Variants in FAT3 observed in about 807,000 individuals in gnomAD.
FAT3 encodes the protein protocadherin Fat 3.
FAT3 carries 95 observed loss-of-function variants against 310.2 expected under a neutral mutation model. The observed-to-expected ratio is 0.31, with a 90% CI of 0.26 to 0.36. The LOEUF (loss-of-function observed/expected upper bound fraction) is 0.36, where lower values mean the gene tolerates loss of function less well. FAT3 is among the 10% of genes least tolerant of loss of function. FAT3 has a pLI of 1.00. For synonymous variants in FAT3, 2,314 were observed against 2,192.9 expected, an observed-to-expected ratio of 1.06 and a Z score of -1.54; for missense variants, 5,408 against 5,715.6, an observed-to-expected ratio of 0.95 and a Z score of 1.74.
chr11:92,576,739 A>G (rs948497257), intron 3 of FAT3, among the ~76,000 whole-genome samples: 2 of 152,162 alleles, frequency 1.3e-5, no homozygotes, highest in Admixed American at 6.6e-5. Flanking sequence ...CATGGTAGAA[A>G]AAGAGATTTC....
At chr11:92,481,023 A>G (rs1414037109) in intron 2 of FAT3, among the ~76,000 whole-genome samples, 4 of 152,202 alleles carry the variant, frequency 2.6e-5, no homozygotes. Flanking sequence ...TCTGCCTCCA[A>G]AAAGATGATT....
chr11:92,477,715 G>A (rs925772847), intron 2 of FAT3, among the ~76,000 whole-genome samples: 1 of 152,174 alleles, frequency 6.6e-6, no homozygotes, highest in South Asian at 2.1e-4. Flanking sequence ...GCTGGTACCT[G>A]ACCCTAGAGC....
chr11:92,346,516 T>C (rs1295132998), intron 1 of FAT3, among the ~76,000 whole-genome samples: 1 of 152,210 alleles, frequency 6.6e-6, no homozygotes, highest in Non-Finnish European at 1.5e-5. Context: ...ATATTAGGTG[T>C]GGTCCCTCTC....
chr11:92,474,785 G>A (rs1952004744), intron 2 of FAT3, among the ~76,000 whole-genome samples: 2 of 152,174 alleles, frequency 1.3e-5, no homozygotes, highest in African/African-American at 4.8e-5. Flanking sequence ...CAGGGGTATA[G>A]GCTGATGTCA....
In FAT3 at chr11:92,889,035, A is replaced by G. The variant is rs1409090470; in HGVS notation, c.13052-154A>G. 2.6e-5 allele frequency among the ~76,000 whole-genome samples: 4 copies of G among 152,212 alleles called. No individual in the cohort carries two copies. The East Asian group carries it at 7.7e-4, about 29-fold the overall frequency. Reference sequence around the variant, plus strand: ...TCTAGATAAAGGTGTCCACTGATACACTTCCTAACAGATTGTGGGGAGGCT... The same window carrying G: ...TCTAGATAAAGGTGTCCACTGATACGCTTCCTAACAGATTGTGGGGAGGCT... On this transcript the variant is annotated intron_variant, in intron 25 of 27. Coordinates refer to ENST00000525166, the MANE Select transcript of FAT3 (RefSeq NM_001367949.2).
At chr11:92,315,496 T>TAG in intron 1 of FAT3, among the ~76,000 whole-genome samples, 1 of 89,848 alleles carries the variant, frequency 1.1e-5, no homozygotes, top group African/African-American at 4.1e-5. Context: ...TATATATATA[T>TAG]ATATATATAT....
At chr11:92,618,359 A>T (rs1044762475) in intron 3 of FAT3, among the ~76,000 whole-genome samples, 2 of 152,102 alleles carry the variant, frequency 1.3e-5, no homozygotes, top group African/African-American at 2.4e-5. Context: ...GAGTGTCCCG[A>T]TTTTCCAGAT....
Position 92,764,861 on chromosome 11 carries a change from C to T in FAT3, c.3985-18C>T, listed in dbSNP as rs1323223398. 2 of 1,609,362 alleles carry T rather than the reference C, an allele frequency of 1.2e-6. No homozygotes were observed. The highest frequency in any genetic ancestry group is 8.5e-7 in the Non-Finnish European group (1 of 1,177,414). On this transcript the variant is annotated intron_variant, in intron 5 of 27. Coordinates refer to ENST00000525166, the MANE Select transcript of FAT3 (RefSeq NM_001367949.2). ...CAGAGGTCTGAGACATCTTTCTCTT[C>T]TCTCCCTGTGTGAGTAGATAAAGGC...
intron 2 of FAT3, among the ~76,000 whole-genome samples, chr11:92,510,294 C>G (rs1201504745): frequency 2.0e-5 from 3 of 152,086 alleles, no homozygotes; most frequent in Non-Finnish European, 4.4e-5. Context: ...TTCCATTGCT[C>G]TAGGTTTCAA....
At chr11:92,567,366 C>A (rs1955497601) in intron 3 of FAT3, among the ~76,000 whole-genome samples, 1 of 150,614 alleles carries the variant, frequency 6.6e-6, no homozygotes, top group African/African-American at 2.5e-5. Flanking sequence ...GAATGGCAAT[C>A]ATTAAAAAGT....
At chr11:92,683,671 C>T (rs1042909588) in intron 3 of FAT3, among the ~76,000 whole-genome samples, 1 of 152,196 alleles carries the variant, frequency 6.6e-6, no homozygotes, top group African/African-American at 2.4e-5. Context: ...ACCCCAGTGC[C>T]TAGCCAGTGG....
intron 4 of FAT3, among the ~76,000 whole-genome samples, chr11:92,701,166 A>G (rs1938618389): frequency 1.3e-5 from 2 of 152,168 alleles, no homozygotes; most frequent in Non-Finnish European, 2.9e-5. Flanking sequence ...GTCCTTCCCA[A>G]TAAAATAAAA....
intron 1 of FAT3, among the ~76,000 whole-genome samples, chr11:92,351,040 C>G (rs1408559043): frequency 1.3e-5 from 2 of 152,150 alleles, no homozygotes; most frequent in Non-Finnish European, 2.9e-5. Flanking sequence ...AAGTTTGTAT[C>G]TTTTAACCCA....
rs536821753 is a variant in FAT3 at position 92,857,791 on chromosome 11, A to G, written c.11500+443A>G. Among the ~76,000 whole-genome samples, 9 of 152,280 alleles carry G rather than the reference A, an allele frequency of 5.9e-5. No homozygotes were observed. The South Asian group carries it at 1.7e-3, about 28-fold the overall frequency. ...GTTGACCTTCCTTAGAGTCATCCCC[A>G]TCTGGTGAACCAAGTAAGCAGACTC... On this transcript the variant is annotated intron_variant, in intron 20 of 27. Transcript: ENST00000525166.
At chr11:92,514,927 C>T (rs2135324749) in intron 2 of FAT3, among the ~76,000 whole-genome samples, 1 of 152,104 alleles carries the variant, frequency 6.6e-6, no homozygotes. Context: ...CTAAAACTGC[C>T]CAGTAAATGG....
intron 3 of FAT3, among the ~76,000 whole-genome samples, chr11:92,669,094 A>G (rs11020036): frequency 0.028 from 4,190 of 152,314 alleles, 210 homozygotes; most frequent in African/African-American, 0.095. Flanking sequence ...CGAAAGTACC[A>G]TCAACTTTGA....
At chr11:92,683,053 G>T (rs557734078) in intron 3 of FAT3, among the ~76,000 whole-genome samples, 1 of 124,372 alleles carries the variant, frequency 8.0e-6, no homozygotes, top group African/African-American at 3.4e-5. Flanking sequence ...ACTCCAGCCT[G>T]GGTGACACAG....
At chr11:92,697,910 A>G (rs1943987345) in intron 4 of FAT3, among the ~76,000 whole-genome samples, 1 of 152,218 alleles carries the variant, frequency 6.6e-6, no homozygotes, top group Non-Finnish European at 1.5e-5. Flanking sequence ...CTGAAACCAT[A>G]AAATGGACTC....
chr11:92,578,124 G>T (rs1375355721), intron 3 of FAT3, among the ~76,000 whole-genome samples: 1 of 152,000 alleles, frequency 6.6e-6, no homozygotes, highest in Non-Finnish European at 1.5e-5. Flanking sequence ...AATATGTGCA[G>T]GCTAATAAAT....
Sources: gnomAD v4.1 joint callset for allele counts (sites outside exome capture counted in the v4.1 genomes callset) on GRCh38, gnomAD v4.1.1 for gene constraint, MANE v1.5 for transcripts, NCBI Gene and HGNC (gene_info 2026-07-23, HGNC 2026-07-21) for gene names.